The following ALK variants were observed in gnomAD, a reference collection of about 807,000 sequenced individuals.
The protein encoded by ALK is ALK tyrosine kinase receptor.
In ALK, 74 loss-of-function variants were observed where a neutral mutation model predicts 163.1. That is an observed-to-expected ratio of 0.45 (90% CI 0.38 to 0.55). The LOEUF (loss-of-function observed/expected upper bound fraction) is 0.55. Among genes scored for constraint, ALK ranks in the 20% least tolerant of loss-of-function variants. The probability of loss-of-function intolerance (pLI) is 0.00; values close to 1 mark genes in which losing one functional copy is unlikely to be tolerated. For synonymous variants in ALK, 960 were observed against 843.2 expected, an observed-to-expected ratio of 1.14 and a Z score of -2.40; for missense variants, 2,063 against 2,105.3, an observed-to-expected ratio of 0.98 and a Z score of 0.39.
At position 29,227,506 on chromosome 2, in the gene ALK, CTG is replaced by C; in HGVS notation, c.2914+66_2914+67del. 1 of 1,339,494 alleles carries C rather than the reference CTG, an allele frequency of 7.5e-7. No homozygotes were observed. The allele number at this position is 1,339,494 out of a possible 1,614,324, so 83.0% of individuals were successfully genotyped here. ...GTATCCTGGATACAGGTCAGAGACTCTGAGGTTTTAGCTTGGTGGGAGGACTG... is the reference window on the plus strand; with the variant it reads ...GTATCCTGGATACAGGTCAGAGACTCAGGTTTTAGCTTGGTGGGAGGACTG... On this transcript the variant is annotated intron_variant, in intron 17 of 28. Coordinates refer to ENST00000389048, the MANE Select transcript of ALK (RefSeq NM_004304.5). The surrounding 1 kb of genome is among the most constrained non-coding windows in gnomAD (Gnocchi z 4.4).
chr2:29,356,847 C>G (rs1558691147), intron 5 of ALK, among the ~76,000 whole-genome samples: 1 of 152,150 alleles, frequency 6.6e-6, no homozygotes, highest in Non-Finnish European at 1.5e-5. Flanking sequence ...AAGGAGACAC[C>G]TGAGTTCAGC....
intron 3 of ALK, among the ~76,000 whole-genome samples, chr2:29,582,305 C>T (rs1197448221): frequency 3.3e-5 from 5 of 152,184 alleles, no homozygotes; most frequent in Admixed American, 3.3e-4. Context: ...CACCCAAAAT[C>T]CTACAAGAAT....
chr2:29,623,299 T>C (rs1167027841), intron 3 of ALK, among the ~76,000 whole-genome samples: 3 of 152,168 alleles, frequency 2.0e-5, no homozygotes, highest in Non-Finnish European at 4.4e-5. Flanking sequence ...TGCCTAGAAA[T>C]AACATAAATG....
At chr2:29,523,141 C>T (rs1300763032) in intron 4 of ALK, among the ~76,000 whole-genome samples, 2 of 152,204 alleles carry the variant, frequency 1.3e-5, no homozygotes, top group East Asian at 3.9e-4. Context: ...GAGGAAGAAA[C>T]CAAGAGAATC....
Position 29,829,323 on chromosome 2 carries a change from AAG to A in ALK, c.667+90668_667+90669del, listed in dbSNP as rs1491041942. Among the ~76,000 whole-genome samples the A allele has an allele frequency of 7.9e-4, 120 of 151,312 alleles. 1 individual carries two copies. Among genetic ancestry groups the A allele is most frequent in the African/African-American group, 2.7e-3 (111 of 41,294 alleles). ...AACTTAAAGTATAATAAAAAAAAAA[AAG>A]AAAGAAAGATGAAGATGGTTAAACT... On this transcript the variant is annotated intron_variant, in intron 1 of 28. Coordinates refer to ENST00000389048, the MANE Select transcript of ALK (RefSeq NM_004304.5).
At chr2:29,846,020 A>G (rs1665833129) in intron 1 of ALK, among the ~76,000 whole-genome samples, 1 of 152,334 alleles carries the variant, frequency 6.6e-6, no homozygotes, top group African/African-American at 2.4e-5. Flanking sequence ...ATATAGTGCT[A>G]TAGTGTGGCC....
intron 1 of ALK, among the ~76,000 whole-genome samples, chr2:29,804,139 G>T (rs1448995749): frequency 6.6e-6 from 1 of 152,210 alleles, no homozygotes; most frequent in Non-Finnish European, 1.5e-5. Flanking sequence ...CTGCCTATCT[G>T]TGAAGCCCGC....
chr2:29,535,051 G>C (rs369459687), intron 3 of ALK, among the ~76,000 whole-genome samples: 1 of 152,196 alleles, frequency 6.6e-6, no homozygotes, highest in Non-Finnish European at 1.5e-5. Flanking sequence ...GATATTGTCA[G>C]TATAAATCTT....
chr2:29,919,862 G>C (rs1444413129), intron 1 of ALK, 131 bp downstream of exon 1: 4 of 1,150,976 alleles, frequency 3.5e-6, no homozygotes, highest in Non-Finnish European at 4.9e-6. Flanking sequence ...GGAGGTTTGC[G>C]GGAGGAAGGA....
chr2:29,534,193 T>C (rs1005660928), intron 3 of ALK, among the ~76,000 whole-genome samples: 5 of 151,754 alleles, frequency 3.3e-5, no homozygotes, highest in African/African-American at 4.8e-5. Context: ...ACCATCAGAG[T>C]GGTGCAGCAG....
intron 3 of ALK, among the ~76,000 whole-genome samples, chr2:29,564,934 T>G (rs1257896630): frequency 1.3e-5 from 2 of 152,226 alleles, no homozygotes; most frequent in African/African-American, 4.8e-5. Flanking sequence ...AGGCCAGTTA[T>G]AACCAGGGCA....
chr2:29,623,779 A>G (rs189726885), intron 3 of ALK, among the ~76,000 whole-genome samples: 23 of 152,372 alleles, frequency 1.5e-4, no homozygotes, highest in African/African-American at 4.6e-4. Context: ...TTCTTAGTCT[A>G]TATTTCAACA....
chr2:29,368,977 G>T (rs549873130), intron 5 of ALK, among the ~76,000 whole-genome samples: 1 of 152,108 alleles, frequency 6.6e-6, no homozygotes, highest in East Asian at 1.9e-4. Flanking sequence ...TCAAAAAACC[G>T]CCAGCACTCG....
At chr2:29,232,173 G>A (rs1036572259) in intron 15 of ALK, 131 bp downstream of exon 15, 43 of 1,300,602 alleles carry the variant, frequency 3.3e-5, no homozygotes, top group Admixed American at 3.4e-5. Context: ...CCTGGATATC[G>A]GTACCAATAT....
At chr2:29,474,405 CATGA>C (rs1428026350) in intron 4 of ALK, among the ~76,000 whole-genome samples, 1 of 152,162 alleles carries the variant, frequency 6.6e-6, no homozygotes, top group East Asian at 1.9e-4. Context: ...GTGGTAATTC[CATGA>C]ATGATTTCCT....
chr2:29,408,361 G>A (rs569814180), intron 4 of ALK, among the ~76,000 whole-genome samples: 36 of 152,154 alleles, frequency 2.4e-4, no homozygotes, highest in African/African-American at 8.7e-4. Context: ...AAAGTGCTGG[G>A]ATTACAGGTG....
At chr2:29,814,676 A>G (rs13000577) in intron 1 of ALK, among the ~76,000 whole-genome samples, 22,079 of 151,302 alleles carry the variant, frequency 0.15, 1,755 homozygotes, top group South Asian at 0.2. Context: ...AAGAAAAAAA[A>G]AGACTGTCTC....
intron 1 of ALK, among the ~76,000 whole-genome samples, chr2:29,873,695 G>A (rs1347594802): frequency 6.6e-6 from 1 of 152,012 alleles, no homozygotes; most frequent in Non-Finnish European, 1.5e-5. Flanking sequence ...AGAAGCAGAT[G>A]CCTCATCGTG....
intron 8 of ALK, among the ~76,000 whole-genome samples, chr2:29,299,198 G>A (rs1055370107): frequency 6.6e-6 from 1 of 152,054 alleles, no homozygotes; most frequent in Non-Finnish European, 1.5e-5. Context: ...GTCTCCTAAA[G>A]TGCCTCTCCC....
Sources: gnomAD v4.1 joint callset for allele counts (sites outside exome capture counted in the v4.1 genomes callset) on GRCh38, gnomAD v4.1.1 for gene constraint, Gnocchi (gnomAD v3.1) non-coding constraint, MANE v1.5 for transcripts, NCBI Gene and HGNC (gene_info 2026-07-23, HGNC 2026-07-21) for gene names.